The following FOXO3 variants were observed in gnomAD, a reference collection of about 807,000 sequenced individuals.
The protein encoded by FOXO3 is forkhead box protein O3.
FOXO3 carries 4 observed loss-of-function variants against 41.9 expected under a neutral mutation model. That is an observed-to-expected ratio of 0.10 (90% confidence interval 0.05 to 0.22). The LOEUF (loss-of-function observed/expected upper bound fraction) is 0.22, where lower values mean the gene tolerates loss of function less well. Among genes scored for constraint, FOXO3 ranks in the 10% least tolerant of loss-of-function variants. FOXO3 has a pLI of 1.00. For synonymous variants in FOXO3, 318 were observed against 389.3 expected, an observed-to-expected ratio of 0.82 and a Z score of 2.16; for missense variants, 534 against 906.8, an observed-to-expected ratio of 0.59 and a Z score of 5.28.
intron 1 of FOXO3, among the ~76,000 whole-genome samples, chr6:108,562,995 A>AT (rs397941170): frequency 1.1e-4 from 17 of 151,488 alleles, no homozygotes; most frequent in East Asian, 7.8e-4. Context: ...TTTAGCTTAG[A>AT]TTTTTTTTTG....
intron 2 of FOXO3, among the ~76,000 whole-genome samples, chr6:108,672,392 G>C (rs1483771225): frequency 6.6e-6 from 1 of 152,160 alleles, no homozygotes; most frequent in East Asian, 1.9e-4. Flanking sequence ...AAAATAGGCT[G>C]TTCTTCTCTA....
At chr6:108,675,490 T>C (rs113969368) in intron 2 of FOXO3, among the ~76,000 whole-genome samples, 97 of 152,316 alleles carry the variant, frequency 6.4e-4, no homozygotes, top group African/African-American at 2.2e-3. Context: ...GTCAAGCTTG[T>C]GTTTTACACC....
chr6:108,658,026 C>T (rs947341699), intron 1 of FOXO3, among the ~76,000 whole-genome samples: 1 of 152,106 alleles, frequency 6.6e-6, no homozygotes, highest in Non-Finnish European at 1.5e-5. Context: ...GTTTCTTCTG[C>T]GGGGCTGACT....
At chr6:108,648,574 A>G (rs1778457509) in intron 1 of FOXO3, among the ~76,000 whole-genome samples, 2 of 152,174 alleles carry the variant, frequency 1.3e-5, no homozygotes, top group Admixed American at 1.3e-4. Context: ...TCATCCTATT[A>G]TCTTGTATTC....
At chr6:108,625,196 CTG>C (rs1442679653) in intron 1 of FOXO3, among the ~76,000 whole-genome samples, 2 of 152,162 alleles carry the variant, frequency 1.3e-5, no homozygotes, top group Admixed American at 1.3e-4. Flanking sequence ...GTTGATAAAA[CTG>C]TGTAAAATGA....
At chr6:108,660,712 A>G in intron 1 of FOXO3, among the ~76,000 whole-genome samples, 1 of 151,912 alleles carries the variant, frequency 6.6e-6, no homozygotes, top group East Asian at 1.9e-4. Flanking sequence ...CTCTAGTTAA[A>G]ATACAAAAAT....
intron 1 of FOXO3, among the ~76,000 whole-genome samples, chr6:108,574,492 A>G (rs941321420): frequency 6.6e-6 from 1 of 152,202 alleles, no homozygotes; most frequent in Admixed American, 6.5e-5. Context: ...GGAAAAAAAA[A>G]CATTTACAAG....
intron 1 of FOXO3, among the ~76,000 whole-genome samples, chr6:108,599,207 C>G (rs774293705): frequency 7.9e-5 from 12 of 152,136 alleles, no homozygotes; most frequent in Non-Finnish European, 1.3e-4. Flanking sequence ...TGGGTCTGCT[C>G]TTTAAAAACA....
chr6:108,575,338 C>G (rs1342277213), intron 1 of FOXO3, among the ~76,000 whole-genome samples: 1 of 150,892 alleles, frequency 6.6e-6, no homozygotes, highest in Non-Finnish European at 1.5e-5. Flanking sequence ...CTCCTGCTTA[C>G]CTTCCCCCCT....
At chr6:108,580,783 T>G (rs2128359998) in intron 1 of FOXO3, among the ~76,000 whole-genome samples, 1 of 152,334 alleles carries the variant, frequency 6.6e-6, no homozygotes, top group East Asian at 1.9e-4. Context: ...TGTCATTGTT[T>G]GAGAACCCAT....
At chr6:108,605,782 A>G (rs544324354) in intron 1 of FOXO3, among the ~76,000 whole-genome samples, 53 of 152,338 alleles carry the variant, frequency 3.5e-4, no homozygotes, top group African/African-American at 1.2e-3. Flanking sequence ...AGGAGGCTGA[A>G]CAGTTCTGAG....
intron 1 of FOXO3, among the ~76,000 whole-genome samples, chr6:108,616,578 T>A (rs901779759): frequency 1.3e-5 from 2 of 152,196 alleles, no homozygotes; most frequent in Non-Finnish European, 2.9e-5. Flanking sequence ...ATTACAGGTG[T>A]GAGCCACTGC....
At chr6:108,597,953 G>A (rs1737939768) in intron 1 of FOXO3, among the ~76,000 whole-genome samples, 1 of 152,146 alleles carries the variant, frequency 6.6e-6, no homozygotes, top group African/African-American at 2.4e-5. Context: ...TTTTCCCTCT[G>A]TTGAAGCTAT....
intron 1 of FOXO3, among the ~76,000 whole-genome samples, chr6:108,604,025 T>TG (rs1777123920): frequency 6.6e-6 from 1 of 152,176 alleles, no homozygotes; most frequent in Admixed American, 6.5e-5. Context: ...AATAATATGG[T>TG]ATTGAGGATG....
intron 1 of FOXO3, among the ~76,000 whole-genome samples, chr6:108,609,924 T>A (rs1409010303): frequency 6.6e-6 from 1 of 152,218 alleles, no homozygotes; most frequent in Non-Finnish European, 1.5e-5. Context: ...GAATTTTTTT[T>A]AAATGTACAC....
At chr6:108,601,117 C>T (rs1582765122) in intron 1 of FOXO3, among the ~76,000 whole-genome samples, 1 of 152,098 alleles carries the variant, frequency 6.6e-6, no homozygotes, top group Non-Finnish European at 1.5e-5. Context: ...ACTCCATTCT[C>T]CTGCCTCAGC....
intron 1 of FOXO3, among the ~76,000 whole-genome samples, chr6:108,642,851 T>C (rs1195983544): frequency 6.6e-6 from 1 of 152,224 alleles, no homozygotes; most frequent in African/African-American, 2.4e-5. Flanking sequence ...TAGGATAGTC[T>C]GATCCCTGTC....
Position 108,663,948 on chromosome 6 carries a change from T to G in FOXO3, c.1115T>G (p.Met372Arg). 9.9e-6 allele frequency: 16 copies of G among 1,614,170 alleles called. No homozygotes were observed. Among genetic ancestry groups the G allele is most frequent in the East Asian group, 2.2e-5 (1 of 44,872 alleles). Residue 372 changes from methionine to arginine, a missense_variant, in exon 2 of 3, where the codon ATG becomes AGG. Met to Arg is a moderately conservative substitution (Grantham distance 91). Around this residue, in one of 8 missense-constraint regions of FOXO3, gnomAD observed 185 missense variants for 224.9 expected, o/e 0.82. Transcript: ENST00000406360. ...GTGGAACTGCCACGGCTGACTGATA[T>G]GGCAGGCACCATGAATCTGAATGAT... ...CTVELPRLTDMAGTMNLNDGL... is the reference protein window; with the variant it reads ...CTVELPRLTDRAGTMNLNDGL...
At chr6:108,582,745 G>GACCCAGGA (rs1776467244) in intron 1 of FOXO3, among the ~76,000 whole-genome samples, 1 of 151,888 alleles carries the variant, frequency 6.6e-6, no homozygotes, top group African/African-American at 2.4e-5. Flanking sequence ...AGCTGACTCT[G>GACCCAGGA]ACCCAGGAAA....
Sources: gnomAD v4.1 joint callset for allele counts (sites outside exome capture counted in the v4.1 genomes callset) on GRCh38, gnomAD v4.1.1 for gene constraint, gnomAD v4.1.1 regional missense constraint, MANE v1.5 for transcripts, NCBI Gene and HGNC (gene_info 2026-07-23, HGNC 2026-07-21) for gene names.